The following RBM38 variants were observed in gnomAD, a reference collection of about 807,000 sequenced individuals.
RBM38 encodes RNA binding motif protein 38.
A neutral mutation model predicts 23.5 loss-of-function variants in RBM38; 11 were observed. That is an observed-to-expected ratio of 0.47 (90% confidence interval 0.29 to 0.77). RBM38 has a LOEUF of 0.77. RBM38 is among the 30% of genes least tolerant of loss of function. RBM38 has a pLI of 0.08. For missense variants in RBM38, 330 were observed against 351.9 expected, an observed-to-expected ratio of 0.94 and a Z score of 0.50; for synonymous variants, 165 against 166.1, an observed-to-expected ratio of 0.99 and a Z score of 0.05.
chr20:57,407,467 T>A lies in RBM38; in HGVS notation c.417-76T>A, dbSNP rs1247327976. On this transcript the variant is annotated intron_variant, in intron 3 of 3. Transcript: ENST00000356208. The surrounding 1 kb of genome is among the most constrained non-coding windows in gnomAD (Gnocchi z 4.0). ...GGCTCGGGGTGGGGGGCGGCACGCA[T>A]CGTGTACCCCACTGTTCTCCCAGCT... The A allele has an allele frequency of 6.7e-7, 1 of 1,487,418 alleles. No homozygotes were observed. The highest frequency in any genetic ancestry group is 9.2e-7 in the Non-Finnish European group (1 of 1,091,224). The allele number at this position is 1,487,418 out of a possible 1,614,324, so 92.1% of individuals were successfully genotyped here.
At chr20:57,399,989 G>T (rs1354142424) in intron 3 of RBM38, 11 of 456,172 alleles carry the variant, frequency 2.4e-5, no homozygotes, top group Non-Finnish European at 4.8e-5. Flanking sequence ...TTCGCTGCGA[G>T]TTCTGCTTTG....
At chr20:57,395,038 C>G (rs1401075318) in intron 3 of RBM38, among the ~76,000 whole-genome samples, 1 of 152,218 alleles carries the variant, frequency 6.6e-6, no homozygotes, top group Non-Finnish European at 1.5e-5. Flanking sequence ...TTGGCAGTGG[C>G]ATCCTCATCC....
chr20:57,399,109 T>A (rs1464020719), intron 3 of RBM38, among the ~76,000 whole-genome samples: 1 of 152,118 alleles, frequency 6.6e-6, no homozygotes, highest in Non-Finnish European at 1.5e-5. Flanking sequence ...GAGGTCAGCA[T>A]GCCTCAGAAG....
At chr20:57,402,609 T>G (rs1336691688) in intron 3 of RBM38, among the ~76,000 whole-genome samples, 2 of 152,246 alleles carry the variant, frequency 1.3e-5, no homozygotes, top group Non-Finnish European at 2.9e-5. Context: ...GTGCAGAGGC[T>G]GTGGCACCTG....
intron 3 of RBM38, among the ~76,000 whole-genome samples, chr20:57,402,951 C>A (rs962907666): frequency 1.3e-5 from 2 of 152,250 alleles, no homozygotes; most frequent in African/African-American, 4.8e-5. Flanking sequence ...TTCTGATGGT[C>A]CACAGTCGGG....
intron 3 of RBM38, among the ~76,000 whole-genome samples, chr20:57,396,494 G>C (rs1252754194): frequency 6.6e-6 from 1 of 152,236 alleles, no homozygotes; most frequent in East Asian, 1.9e-4. Context: ...GGGAGCAGAG[G>C]TTTGTCCTGG....
intron 1 of RBM38, 130 bp from the exon 2 acceptor site, chr20:57,392,524 C>T: frequency 3.9e-6 from 6 of 1,522,750 alleles, no homozygotes; most frequent in Non-Finnish European, 5.3e-6. Context: ...GCTCAAGGAC[C>T]CTGGGTCACA....
At chr20:57,399,000 G>A (rs2067301669) in intron 3 of RBM38, among the ~76,000 whole-genome samples, 1 of 152,198 alleles carries the variant, frequency 6.6e-6, no homozygotes, top group African/African-American at 2.4e-5. Flanking sequence ...TTTGTGCCAG[G>A]CTGGGGATGC....
intron 3 of RBM38, among the ~76,000 whole-genome samples, chr20:57,397,510 C>T (rs979503891): frequency 1.3e-5 from 2 of 152,228 alleles, no homozygotes; most frequent in African/African-American, 2.4e-5. Context: ...GGGACCCCTA[C>T]GTCCTTTGTG....
intron 3 of RBM38, among the ~76,000 whole-genome samples, chr20:57,397,627 C>T (rs1293883872): frequency 2.0e-5 from 3 of 152,226 alleles, no homozygotes; most frequent in African/African-American, 7.2e-5. Context: ...GTCCCCAGAG[C>T]AAGAGGACGT....
Position 57,407,474 on chromosome 20 carries a change from C to A in RBM38, c.417-69C>A. On this transcript the variant is annotated intron_variant, in intron 3 of 3. Coordinates refer to ENST00000356208, the MANE Select transcript of RBM38 (RefSeq NM_017495.6). This position sits in a 1 kb window ranked among gnomAD's most constrained non-coding sequence, Gnocchi z 4.0. ...GGTGGGGGGCGGCACGCATCGTGTA[C>A]CCCACTGTTCTCCCAGCTGTATTCC... is the stretch of plus-strand genomic sequence containing the variant. 1 of 1,524,708 alleles carries A rather than the reference C, an allele frequency of 6.6e-7. No individual in the cohort carries two copies. Among genetic ancestry groups the A allele is most frequent in the Non-Finnish European group, 8.9e-7 (1 of 1,118,002 alleles). 94.4% of individuals were successfully genotyped at this position (1,524,708 alleles called of 1,614,324 possible).
At position 57,408,080 on chromosome 20, in the gene RBM38, TATTTAAAGACGC is replaced by T. The variant is rs1301738727; in HGVS notation, c.*236_*247del. 1.7e-5 allele frequency: 10 copies of T among 595,014 alleles called. No homozygotes were observed. The highest frequency in any genetic ancestry group is 2.4e-5 in the Non-Finnish European group (8 of 337,078). The allele number at this position is 595,014 out of a possible 1,614,324, so 36.9% of individuals were successfully genotyped here. On this transcript the variant is annotated 3_prime_UTR_variant, in exon 4 of 4. Transcript: ENST00000356208. Reference sequence around the variant, plus strand: ...GAGGACTTTAAGAATGACTGAGAACTATTTAAAGACGCAATCCCAGGTTCCTTGCACACCATG... The same window carrying T: ...GAGGACTTTAAGAATGACTGAGAACTAATCCCAGGTTCCTTGCACACCATG...
rs2067398491 is a variant in RBM38 at position 57,407,506 on chromosome 20, C to T, written c.417-37C>T. On this transcript the variant is annotated intron_variant, in intron 3 of 3. Transcript: ENST00000356208. This position sits in a 1 kb window ranked among gnomAD's most constrained non-coding sequence, Gnocchi z 4.0. ...GTTCTCCCAGCTGTATTCCCCAACT[C>T]CGTTCTGGCCCTAACCTGCTCTGCT... is the stretch of plus-strand genomic sequence containing the variant. The T allele has an allele frequency of 1.9e-6, 3 of 1,599,642 alleles. No homozygotes were observed. Among genetic ancestry groups the T allele is most frequent in the Non-Finnish European group, 1.7e-6 (2 of 1,169,952 alleles).
In RBM38 at chr20:57,408,660, T is replaced by G. The variant is rs1445250455; in HGVS notation, c.*814T>G. On this transcript the variant is annotated 3_prime_UTR_variant, in exon 4 of 4. Transcript: ENST00000356208. ...ACGATAGTGTTTCTGTATAATAAAG[T>G]GTCTGCCGGCTCGCGGGCCAGGATC... 6.6e-6 allele frequency: 1 copy of G among 151,864 alleles called. No homozygotes were observed. The highest frequency in any genetic ancestry group is 1.9e-4 in the East Asian group (1 of 5,130). 9.4% of individuals were successfully genotyped at this position (151,864 alleles called of 1,614,324 possible). A position where few individuals can be genotyped will look rare whatever the true frequency, so the allele number is the denominator to read the frequency against.
intron 3 of RBM38, among the ~76,000 whole-genome samples, chr20:57,395,953 T>A (rs1364160383): frequency 6.6e-6 from 1 of 152,194 alleles, no homozygotes; most frequent in African/African-American, 2.4e-5. Context: ...CTGAGGGTTG[T>A]CCACCAGTTA....
Position 57,407,295 on chromosome 20 carries a change from C to A in RBM38, c.417-248C>A, listed in dbSNP as rs1177891668. On this transcript the variant is annotated intron_variant, in intron 3 of 3. Transcript: ENST00000356208. This position sits in a 1 kb window ranked among gnomAD's most constrained non-coding sequence, Gnocchi z 4.0. ...GGTGTAGGGCTGGGATGCGGGGGTG[C>A]AGTCTGGGAAGGCCTTGCTGAGAAG... Among the ~76,000 whole-genome samples, 5 of 152,096 alleles carry A rather than the reference C, an allele frequency of 3.3e-5. No homozygotes were observed. The East Asian group carries it at 9.6e-4, about 29-fold the overall frequency.
intron 2 of RBM38, 72 bp downstream of exon 2, chr20:57,392,849 A>G: frequency 1.3e-6 from 2 of 1,566,424 alleles, no homozygotes; most frequent in South Asian, 1.2e-5. Context: ...TCGGGTGGAA[A>G]GAGGCCCCCC....
chr20:57,395,455 CG>C (rs1391238297), intron 3 of RBM38, among the ~76,000 whole-genome samples: 4 of 152,058 alleles, frequency 2.6e-5, no homozygotes, highest in African/African-American at 9.7e-5. Flanking sequence ...CGACTTCAGG[CG>C]ACGGTGTTTT....
chr20:57,392,760 C>A lies in RBM38; in HGVS notation c.344C>A (p.Pro115Gln). ...NVNLAYLGAK[P>Q]RSLQTGFAIG... ...AACCTGGCATATCTGGGCGCCAAGC[C>A]GCGGAGCCTCCAGACGGGTGAGAGC... Residue 115 changes from proline to glutamine, a missense_variant, in exon 2 of 4, where the codon CCG becomes CAG. Pro to Gln is a moderately conservative substitution (Grantham distance 76). This residue lies in a region of RBM38 where 227 missense variants were observed against 216.4 expected (regional missense o/e 1.05). Coordinates refer to ENST00000356208, the MANE Select transcript of RBM38 (RefSeq NM_017495.6). The A allele has an allele frequency of 6.2e-7, 1 of 1,613,110 alleles. No homozygotes were observed. The highest frequency in any genetic ancestry group is 8.5e-7 in the Non-Finnish European group (1 of 1,179,794).
Sources: gnomAD v4.1 joint callset for allele counts (sites outside exome capture counted in the v4.1 genomes callset) on GRCh38, gnomAD v4.1.1 for gene constraint, gnomAD v4.1.1 regional missense constraint, Gnocchi (gnomAD v3.1) non-coding constraint, MANE v1.5 for transcripts, NCBI Gene and HGNC (gene_info 2026-07-23, HGNC 2026-07-21) for gene names.